The following MPDZ variants were observed in gnomAD, a reference collection of about 807,000 sequenced individuals.
The protein encoded by MPDZ is multiple PDZ domain protein.
A neutral mutation model predicts 239.1 loss-of-function variants in MPDZ; 234 were observed. The ratio of observed to expected loss-of-function variants is 0.98; its 90% confidence interval spans 0.88 to 1.09. The LOEUF is 1.09. Ranked by LOEUF, MPDZ falls within the 50% of genes least tolerant of loss-of-function variation. MPDZ has a pLI of 0.00. For missense variants in MPDZ, 3,175 were observed against 2,510.0 expected, an observed-to-expected ratio of 1.26 and a Z score of -5.66; for synonymous variants, 1,048 against 881.3, an observed-to-expected ratio of 1.19 and a Z score of -3.35.
chr9:13,169,153 G>C (rs573139553), intron 21 of MPDZ, among the ~76,000 whole-genome samples: 1 of 152,242 alleles, frequency 6.6e-6, no homozygotes, highest in South Asian at 2.1e-4. Context: ...GTGTGGGAAA[G>C]TATAACAGTT....
rs182877530 is a variant in MPDZ, at chr9:13,224,647, C to A, written c.184-64G>T. The A allele has an allele frequency of 8.1e-5, 89 of 1,102,148 alleles. 1 individual carries two copies. Among genetic ancestry groups the A allele is most frequent in the Middle Eastern group, 4.7e-4 (2 of 4,234 alleles). 68.3% of individuals were successfully genotyped at this position (1,102,148 alleles called of 1,614,324 possible). On this transcript the variant is annotated intron_variant, in intron 3 of 46. Transcript: ENST00000319217. ...CCATAAACTATTTCATAGAAAATAT[C>A]CCAAGGGTACAAGGACATACAAATG... is the stretch of plus-strand genomic sequence containing the variant.
chr9:13,134,420 T>C (rs1314033518), intron 31 of MPDZ: 1 of 152,226 alleles, frequency 6.6e-6, no homozygotes, highest in East Asian at 1.9e-4. Flanking sequence ...AACCTAATTA[T>C]CTTAAATAAC....
chr9:13,233,725 G>A (rs760076007), intron 3 of MPDZ, among the ~76,000 whole-genome samples: 4 of 152,060 alleles, frequency 2.6e-5, no homozygotes, highest in Non-Finnish European at 2.9e-5. Context: ...GTAAAAACAC[G>A]CCTCTTAAAG....
chr9:13,142,203 T>C (rs1438150211), intron 27 of MPDZ, among the ~76,000 whole-genome samples: 1 of 152,190 alleles, frequency 6.6e-6, no homozygotes, highest in Non-Finnish European at 1.5e-5. Context: ...TCTTGCTGCA[T>C]AATTTTTCTG....
chr9:13,157,256 A>T (rs985033392), intron 24 of MPDZ, among the ~76,000 whole-genome samples: 2 of 152,126 alleles, frequency 1.3e-5, no homozygotes, highest in Non-Finnish European at 2.9e-5. Context: ...ATGTCCACTG[A>T]TTACCTATGT....
intron 37 of MPDZ, 74 bp from the exon 38 acceptor site, chr9:13,122,006 A>AGT: frequency 6.3e-7 from 1 of 1,598,388 alleles, no homozygotes; most frequent in South Asian, 1.1e-5. Context: ...GGGAAGAGAG[A>AGT]GAAAGAAGCA....
rs539241417 is a variant in MPDZ, at chr9:13,108,032, G to A, written c.6066+904C>T. ...TTAAGCCTATAGCTAGCTTGTTGTAGGTACAACACTTTAAATTGGCTAAAA... is the reference window on the plus strand; with the variant it reads ...TTAAGCCTATAGCTAGCTTGTTGTAAGTACAACACTTTAAATTGGCTAAAA... On this transcript the variant is annotated intron_variant, in intron 46 of 46. Coordinates refer to ENST00000319217, the MANE Select transcript of MPDZ (RefSeq NM_001378778.1). 3.3e-5 allele frequency among the ~76,000 whole-genome samples: 5 copies of A among 151,686 alleles called. No individual in the cohort carries two copies. In the South Asian group the frequency reaches 8.3e-4, roughly 25 times the overall value.
At chr9:13,234,192 CAAT>C (rs1190118074) in intron 3 of MPDZ, among the ~76,000 whole-genome samples, 9 of 151,952 alleles carry the variant, frequency 5.9e-5, no homozygotes, top group Middle Eastern at 3.2e-3. Flanking sequence ...TACTTCTTTT[CAAT>C]AATAACATTT....
At chr9:13,163,334 A>G (rs998103503) in intron 22 of MPDZ, among the ~76,000 whole-genome samples, 2 of 152,200 alleles carry the variant, frequency 1.3e-5, no homozygotes, top group Non-Finnish European at 2.9e-5. Context: ...TTAAGTCTGA[A>G]GTATGAGATT....
chr9:13,152,344 C>T (rs1384912673), intron 24 of MPDZ, among the ~76,000 whole-genome samples: 1 of 152,146 alleles, frequency 6.6e-6, no homozygotes, highest in Non-Finnish European at 1.5e-5. Flanking sequence ...CTGTAGCTCC[C>T]ACAATTCCCA....
At chr9:13,237,366 G>T (rs1431247511) in intron 3 of MPDZ, among the ~76,000 whole-genome samples, 1 of 146,324 alleles carries the variant, frequency 6.8e-6, no homozygotes, top group African/African-American at 2.5e-5. Flanking sequence ...GAGCCCAAGA[G>T]GTCGAGGCTG....
intron 10 of MPDZ, among the ~76,000 whole-genome samples, chr9:13,208,863 A>G (rs148462142): frequency 6.6e-4 from 100 of 152,218 alleles, no homozygotes; most frequent in African/African-American, 2.2e-3. Context: ...TGACTTGAAC[A>G]TAAGTATCTG....
chr9:13,168,662 T>C, intron 21 of MPDZ, 98 bp from the exon 22 acceptor site: 2 of 950,474 alleles, frequency 2.1e-6, no homozygotes, highest in Non-Finnish European at 3.0e-6. Context: ...GATTAAAAAA[T>C]ACAAGTAACA....
At chr9:13,265,437 C>T (rs1017938848) in intron 1 of MPDZ, among the ~76,000 whole-genome samples, 7 of 152,228 alleles carry the variant, frequency 4.6e-5, no homozygotes, top group Admixed American at 3.3e-4. Context: ...GGTGTGGTGG[C>T]GCATGCCTGT....
At chr9:13,243,570 G>T (rs1308472852) in intron 3 of MPDZ, among the ~76,000 whole-genome samples, 1 of 151,750 alleles carries the variant, frequency 6.6e-6, no homozygotes, top group Non-Finnish European at 1.5e-5. Flanking sequence ...AACTTACATA[G>T]AAATATAAAA....
intron 21 of MPDZ, among the ~76,000 whole-genome samples, chr9:13,170,718 A>G (rs1407017335): frequency 1.3e-5 from 2 of 152,202 alleles, no homozygotes; most frequent in Non-Finnish European, 2.9e-5. Context: ...ATCATGAGCT[A>G]TGGCCAACAT....
intron 1 of MPDZ, chr9:13,276,530 A>T (rs1974241569): frequency 6.6e-6 from 1 of 152,222 alleles, no homozygotes; most frequent in Non-Finnish European, 1.5e-5. Flanking sequence ...TATTTTCAAA[A>T]GTACATACAA....
intron 32 of MPDZ, among the ~76,000 whole-genome samples, chr9:13,127,023 G>C (rs1246065360): frequency 6.6e-6 from 1 of 152,140 alleles, no homozygotes; most frequent in East Asian, 1.9e-4. Flanking sequence ...GACATCTTTA[G>C]TAACTTTAGC....
intron 3 of MPDZ, among the ~76,000 whole-genome samples, chr9:13,236,249 G>GTGTGTATATATATATATA (rs1329605248): frequency 2.8e-5 from 1 of 35,850 alleles, no homozygotes; most frequent in African/African-American, 1.2e-4. Flanking sequence ...GTGTGTGTGT[G>GTGTGTATATATATATATA]TATATATATA....
Sources: gnomAD v4.1 joint callset for allele counts (sites outside exome capture counted in the v4.1 genomes callset) on GRCh38, gnomAD v4.1.1 for gene constraint, MANE v1.5 for transcripts, NCBI Gene and HGNC (gene_info 2026-07-23, HGNC 2026-07-21) for gene names.